PARD3B: variants seen among roughly 807,000 people sequenced by gnomAD.
The protein encoded by PARD3B is partitioning defective 3 homolog B.
In PARD3B, 103 loss-of-function variants were observed where a neutral mutation model predicts 130.2. The ratio of observed to expected loss-of-function variants is 0.79; its 90% confidence interval spans 0.67 to 0.93. The LOEUF is 0.93. PARD3B is among the 40% of genes least tolerant of loss of function. The probability of loss-of-function intolerance (pLI) is 0.00; values close to 1 mark genes in which losing one functional copy is unlikely to be tolerated. For missense variants in PARD3B, 1,609 were observed against 1,499.2 expected, an observed-to-expected ratio of 1.07 and a Z score of -1.21; for synonymous variants, 583 against 553.2, an observed-to-expected ratio of 1.05 and a Z score of -0.76.
chr2:205,443,752 A>G (rs2047807763), intron 20 of PARD3B, among the ~76,000 whole-genome samples: 1 of 152,160 alleles, frequency 6.6e-6, no homozygotes, highest in Non-Finnish European at 1.5e-5. Flanking sequence ...AGTGATAGGA[A>G]AAGTGGCTGC....
chr2:205,001,848 C>T (rs958762135), intron 3 of PARD3B, among the ~76,000 whole-genome samples: 10 of 152,120 alleles, frequency 6.6e-5, no homozygotes, highest in Admixed American at 3.9e-4. Flanking sequence ...AGCAGCTCCA[C>T]GATGAGAGAA....
chr2:205,533,823 G>C (rs1575280663), intron 21 of PARD3B, among the ~76,000 whole-genome samples: 1 of 152,096 alleles, frequency 6.6e-6, no homozygotes, highest in South Asian at 2.1e-4. Context: ...AACCTCCGGG[G>C]CTCAAGCAAT....
Position 205,525,475 on chromosome 2 carries a change from C to T in PARD3B, c.3180+25444C>T, listed in dbSNP as rs1264126405. On this transcript the variant is annotated intron_variant, in intron 21 of 22. Coordinates refer to ENST00000406610, the MANE Select transcript of PARD3B (RefSeq NM_001302769.2). This position sits in a 1 kb window ranked among gnomAD's most constrained non-coding sequence, Gnocchi z 4.2. ...TTATGTATGCACAGTTACCTATGAA[C>T]ACAAAAAGGTTTAATTTTTTCTGTC... Among the ~76,000 whole-genome samples the T allele has an allele frequency of 6.6e-6, 1 of 151,956 alleles. No individual in the cohort carries two copies. The highest frequency in any genetic ancestry group is 1.5e-5 in the Non-Finnish European group (1 of 67,978).
chr2:205,357,845 G>A (rs964696074), intron 18 of PARD3B, among the ~76,000 whole-genome samples: 1 of 152,180 alleles, frequency 6.6e-6, no homozygotes, highest in Non-Finnish European at 1.5e-5. Flanking sequence ...AGAAGAAACA[G>A]CAATAAAATA....
intron 3 of PARD3B, among the ~76,000 whole-genome samples, chr2:205,009,467 C>T (rs975192027): frequency 4.0e-5 from 6 of 151,220 alleles, no homozygotes; most frequent in African/African-American, 1.5e-4. Context: ...GTCAGGAGAT[C>T]GAGACCATCC....
intron 1 of PARD3B, among the ~76,000 whole-genome samples, chr2:204,574,145 A>T (rs1304374817): frequency 1.3e-5 from 2 of 152,182 alleles, no homozygotes; most frequent in African/African-American, 4.8e-5. Context: ...GTTATTGTGT[A>T]CAGCTGCCAA....
rs917568436 is a variant in PARD3B at position 205,230,047 on chromosome 2, C to T, written c.2141-15731C>T. 1.3e-5 allele frequency among the ~76,000 whole-genome samples: 2 copies of T among 151,976 alleles called. No homozygotes were observed. Among genetic ancestry groups the T allele is most frequent in the Non-Finnish European group, 2.9e-5 (2 of 68,018 alleles). Reference sequence around the variant, plus strand: ...GGGACTCTCTCTTCAGGGCAGTGGGCTCTCCTCTGGCCCAGGGCAGATCCA... The same window carrying T: ...GGGACTCTCTCTTCAGGGCAGTGGGTTCTCCTCTGGCCCAGGGCAGATCCA... On this transcript the variant is annotated intron_variant, in intron 15 of 22. Coordinates refer to ENST00000406610, the MANE Select transcript of PARD3B (RefSeq NM_001302769.2). This position sits in a 1 kb window ranked among gnomAD's most constrained non-coding sequence, Gnocchi z 4.1.
intron 22 of PARD3B, among the ~76,000 whole-genome samples, chr2:205,583,422 AG>A: frequency 1.0e-5 from 1 of 96,712 alleles, no homozygotes; most frequent in Non-Finnish European, 2.2e-5. Context: ...CGCGTGTGAG[AG>A]AGAGAGAGAG....
rs114260744 is a variant in PARD3B, at chr2:205,565,352, G to C, written c.3260+11949G>C. Among the ~76,000 whole-genome samples, 504 of 152,226 alleles carry C rather than the reference G, an allele frequency of 3.3e-3. 3 individuals are homozygous for C. The highest frequency in any genetic ancestry group is 7.7e-3 in the Admixed American group (118 of 15,302). The stretch of plus-strand genomic sequence containing the variant: ...GGATGGAGTTGGTATCAAGCTTCTT[G>C]GTCACTTTCCATTGATATGTCGGTG... On this transcript the variant is annotated intron_variant, in intron 22 of 22. Transcript: ENST00000406610.
intron 4 of PARD3B, among the ~76,000 whole-genome samples, chr2:205,071,267 A>T (rs1700712360): frequency 6.6e-6 from 1 of 152,134 alleles, no homozygotes; most frequent in South Asian, 2.1e-4. Flanking sequence ...CCTTTATGGA[A>T]CAGCAAGATT....
rs1559035908 is a variant in PARD3B, at chr2:205,381,144, A to ATT, written c.2631-19869_2631-19868insTT. On this transcript the variant is annotated intron_variant, in intron 18 of 22. Coordinates refer to ENST00000406610, the MANE Select transcript of PARD3B (RefSeq NM_001302769.2). ...TATATATTATATATAAAGAATATATAATATATATAATATATATAAAGAATA... is the reference window on the plus strand; with the variant it reads ...TATATATTATATATAAAGAATATATATTATATATATAATATATATAAAGAATA... Among the ~76,000 whole-genome samples, 11 of 104,696 alleles carry ATT rather than the reference A, an allele frequency of 1.1e-4. 1 individual carries two copies. Among genetic ancestry groups the ATT allele is most frequent in the South Asian group, 2.8e-4 (1 of 3,546 alleles). The allele number at this position is 104,696 out of a possible 152,430, so 68.7% of individuals were successfully genotyped here.
intron 2 of PARD3B, among the ~76,000 whole-genome samples, chr2:204,812,950 A>G (rs1559165327): frequency 6.6e-6 from 1 of 152,064 alleles, no homozygotes; most frequent in Non-Finnish European, 1.5e-5. Flanking sequence ...ACTTATTCTA[A>G]CACATTCACC....
At chr2:205,137,400 T>C (rs1156790950) in intron 10 of PARD3B, among the ~76,000 whole-genome samples, 4 of 152,134 alleles carry the variant, frequency 2.6e-5, no homozygotes, top group African/African-American at 9.7e-5. Flanking sequence ...GAAAGGAACA[T>C]TTTTGTTAGA....
chr2:204,615,849 G>A (rs371191982), intron 1 of PARD3B, among the ~76,000 whole-genome samples: 2 of 152,038 alleles, frequency 1.3e-5, no homozygotes, highest in African/African-American at 4.8e-5. Flanking sequence ...GTGCTTTATA[G>A]GTACACTTCA....
chr2:205,448,727 C>T (rs1234457006), intron 20 of PARD3B, among the ~76,000 whole-genome samples: 2 of 152,160 alleles, frequency 1.3e-5, no homozygotes, highest in Non-Finnish European at 2.9e-5. Flanking sequence ...TTAATCAACA[C>T]TCTTTGGGAT....
intron 2 of PARD3B, among the ~76,000 whole-genome samples, chr2:204,762,761 C>CTT (rs5837937): frequency 4.9e-4 from 16 of 32,622 alleles, no homozygotes; most frequent in African/African-American, 6.5e-4. Context: ...TTTTCTTTTT[C>CTT]TTTTTTTTTT....
intron 3 of PARD3B, among the ~76,000 whole-genome samples, chr2:204,981,012 C>T (rs1227774067): frequency 6.6e-6 from 1 of 152,138 alleles, no homozygotes; most frequent in Non-Finnish European, 1.5e-5. Flanking sequence ...TTTATACTAT[C>T]TTTGCAAGTT....
chr2:205,412,163 C>G (rs1273210965), intron 19 of PARD3B, among the ~76,000 whole-genome samples: 1 of 152,078 alleles, frequency 6.6e-6, no homozygotes, highest in Non-Finnish European at 1.5e-5. Context: ...ACTTAATGAC[C>G]TTACAGTGCA....
chr2:205,497,358 T>A (rs2049968543), intron 20 of PARD3B, among the ~76,000 whole-genome samples: 2 of 150,720 alleles, frequency 1.3e-5, no homozygotes. Context: ...AGGTACATCA[T>A]CCAGTTTGCA....
Sources: allele counts gnomAD v4.1 joint callset (sites outside exome capture counted in the v4.1 genomes callset), GRCh38; gene constraint gnomAD v4.1.1; non-coding constraint Gnocchi (gnomAD v3.1); transcripts MANE v1.5; gene names NCBI Gene and HGNC (gene_info 2026-07-23, HGNC 2026-07-21).